The following PRKAG2 variants were observed in gnomAD, a reference collection of about 807,000 sequenced individuals.
PRKAG2 encodes the protein 5'-AMP-activated protein kinase subunit gamma-2.
In PRKAG2, 26 loss-of-function variants were observed where a neutral mutation model predicts 69.6. The ratio of observed to expected loss-of-function variants is 0.37; its 90% CI spans 0.27 to 0.52. PRKAG2 has a LOEUF of 0.52. Ranked by LOEUF, PRKAG2 falls within the 20% of genes least tolerant of loss-of-function variation. The pLI, the probability that PRKAG2 is intolerant of heterozygous loss-of-function variation, is 0.90. For missense variants in PRKAG2, 557 were observed against 740.0 expected (o/e 0.75, Z 2.87); for synonymous variants, 293 against 285.0 (o/e 1.03, Z -0.28).
intron 3 of PRKAG2, among the ~76,000 whole-genome samples, chr7:151,680,255 C>G (rs1468300891): frequency 6.6e-6 from 1 of 152,108 alleles, no homozygotes; most frequent in African/African-American, 2.4e-5. Context: ...TACTAAGTGT[C>G]GGCTTATTCA....
intron 4 of PRKAG2, among the ~76,000 whole-genome samples, chr7:151,658,485 A>AGC (rs1291506915): frequency 0.025 from 3,619 of 147,470 alleles, 126 homozygotes; most frequent in African/African-American, 0.085. Flanking sequence ...ATTGTCGCAA[A>AGC]AAAAAAAAAA....
intron 5 of PRKAG2, among the ~76,000 whole-genome samples, chr7:151,600,202 G>A (rs1181602321): frequency 6.6e-6 from 1 of 152,104 alleles, no homozygotes; most frequent in Non-Finnish European, 1.5e-5. Context: ...ATTTTCATGG[G>A]TCAGTCCAAA....
At chr7:151,808,529 C>T (rs1031392705) in intron 1 of PRKAG2, among the ~76,000 whole-genome samples, 3 of 152,006 alleles carry the variant, frequency 2.0e-5, no homozygotes, top group Non-Finnish European at 4.4e-5. Context: ...TGGTGATGCA[C>T]AGTCAGCAGA....
At chr7:151,746,265 C>T (rs7799353) in intron 3 of PRKAG2, among the ~76,000 whole-genome samples, 4,179 of 152,276 alleles carry the variant, frequency 0.027, 205 homozygotes, top group African/African-American at 0.094. Flanking sequence ...TCCTCCTGCA[C>T]GTCACTCCTT....
chr7:151,743,002 T>G (rs2074008391), intron 3 of PRKAG2, among the ~76,000 whole-genome samples: 1 of 152,184 alleles, frequency 6.6e-6, no homozygotes, highest in Admixed American at 6.5e-5. Flanking sequence ...GGGGGAAAGT[T>G]GACCACTCAC....
At chr7:151,688,355 T>C (rs558355191) in intron 3 of PRKAG2, among the ~76,000 whole-genome samples, 4 of 152,364 alleles carry the variant, frequency 2.6e-5, no homozygotes, top group Non-Finnish European at 5.9e-5. Flanking sequence ...TGCCTGTTTA[T>C]AACACAGCAT....
In PRKAG2 at chr7:151,821,344, T is replaced by C. The variant is rs144581627; in HGVS notation, c.115-34803A>G. Among the ~76,000 whole-genome samples the C allele has an allele frequency of 6.9e-3, 1,051 of 152,248 alleles. 15 individuals carry two copies. Among genetic ancestry groups the C allele is most frequent in the African/African-American group, 0.024 (1,011 of 41,540 alleles). Reference sequence around the variant, plus strand: ...GCTCTAGAAGGCTGTGGAAGGCTCATGGCAACTCGATCTTTCTTTTAAGCT... The same window carrying C: ...GCTCTAGAAGGCTGTGGAAGGCTCACGGCAACTCGATCTTTCTTTTAAGCT... On this transcript the variant is annotated intron_variant, in intron 1 of 15. Transcript: ENST00000287878.
intron 1 of PRKAG2, among the ~76,000 whole-genome samples, chr7:151,857,044 G>A (rs180794957): frequency 2.7e-5 from 4 of 150,430 alleles, no homozygotes; most frequent in East Asian, 4.0e-4. Context: ...ACACTAACCA[G>A]TGTAATTTTT....
intron 3 of PRKAG2, among the ~76,000 whole-genome samples, chr7:151,708,276 A>G (rs1279625432): frequency 6.6e-6 from 1 of 151,894 alleles, no homozygotes; most frequent in African/African-American, 2.4e-5. Context: ...GGCTTACTAG[A>G]CTCTGAAAGG....
intron 1 of PRKAG2, among the ~76,000 whole-genome samples, chr7:151,854,035 G>A (rs1325266039): frequency 6.6e-6 from 1 of 152,150 alleles, no homozygotes; most frequent in Non-Finnish European, 1.5e-5. Flanking sequence ...GCTGGGGACA[G>A]CTGGGTCATT....
chr7:151,676,715 G>T (rs992252844), intron 3 of PRKAG2, among the ~76,000 whole-genome samples: 1 of 152,176 alleles, frequency 6.6e-6, no homozygotes, highest in Admixed American at 6.5e-5. Context: ...CAGTGCACAG[G>T]TAGGATGTGA....
In PRKAG2 at chr7:151,769,885, G is replaced by A. The variant is rs138886226; in HGVS notation, c.466+11267C>T. 7.2e-3 allele frequency among the ~76,000 whole-genome samples: 1,104 copies of A among 152,284 alleles called. 4 individuals carry two copies. Among genetic ancestry groups the A allele is most frequent in the Non-Finnish European group, 0.012 (808 of 68,028 alleles). ...CCCAGAGTGCGTGTGTCCACTGCTA[G>A]GGACCACGGAGGCCAAATTCAGTAC... On this transcript the variant is annotated intron_variant, in intron 3 of 15. Coordinates refer to ENST00000287878, the MANE Select transcript of PRKAG2 (RefSeq NM_016203.4).
intron 4 of PRKAG2, among the ~76,000 whole-genome samples, chr7:151,671,840 G>C (rs575589768): frequency 6.6e-6 from 1 of 152,290 alleles, no homozygotes; most frequent in South Asian, 2.1e-4. Flanking sequence ...CTTACCATCA[G>C]GTAACCAATG....
At chr7:151,847,885 G>C (rs1289435794) in intron 1 of PRKAG2, among the ~76,000 whole-genome samples, 1 of 152,242 alleles carries the variant, frequency 6.6e-6, no homozygotes, top group Non-Finnish European at 1.5e-5. Context: ...CAGACTGGGG[G>C]TGTCTTTCCC....
chr7:151,580,534 T>C (rs1242985865), intron 6 of PRKAG2, among the ~76,000 whole-genome samples: 1 of 152,128 alleles, frequency 6.6e-6, no homozygotes, highest in Non-Finnish European at 1.5e-5. Context: ...GCAAAATATA[T>C]AACAATAGCA....
At chr7:151,826,432 C>T (rs2151869975) in intron 1 of PRKAG2, among the ~76,000 whole-genome samples, 1 of 152,250 alleles carries the variant, frequency 6.6e-6, no homozygotes, top group African/African-American at 2.4e-5. Context: ...ATCCACTTGC[C>T]TTGGCCTCCC....
At chr7:151,669,539 G>A (rs1585629980) in intron 4 of PRKAG2, among the ~76,000 whole-genome samples, 1 of 152,102 alleles carries the variant, frequency 6.6e-6, no homozygotes, top group Non-Finnish European at 1.5e-5. Flanking sequence ...ATGTCCACGT[G>A]TTTTCTGGTT....
intron 5 of PRKAG2, among the ~76,000 whole-genome samples, chr7:151,599,268 A>G (rs979577271): frequency 6.6e-6 from 1 of 152,114 alleles, no homozygotes; most frequent in African/African-American, 2.4e-5. Flanking sequence ...CACCCTTGCC[A>G]ATGTCCTCTT....
chr7:151,785,240 CCT>C (rs2076943020), intron 2 of PRKAG2, among the ~76,000 whole-genome samples: 1 of 152,216 alleles, frequency 6.6e-6, no homozygotes, highest in Non-Finnish European at 1.5e-5. Context: ...GGCTGTGGCC[CCT>C]GTGTCTCTCC....
Sources: gnomAD v4.1 joint callset for allele counts (sites outside exome capture counted in the v4.1 genomes callset) on GRCh38, gnomAD v4.1.1 for gene constraint, MANE v1.5 for transcripts, NCBI Gene and HGNC (gene_info 2026-07-23, HGNC 2026-07-21) for gene names.